PCDHA5: variants seen among roughly 807,000 people sequenced by gnomAD.
The protein encoded by PCDHA5 is protocadherin alpha 5.
A neutral mutation model predicts 61.6 loss-of-function variants in PCDHA5; 43 were observed. That is an observed-to-expected ratio of 0.70 (90% CI 0.55 to 0.90). PCDHA5 has a LOEUF of 0.90. Among genes scored for constraint, PCDHA5 ranks in the 40% least tolerant of loss-of-function variants. The pLI is 0.00. For synonymous variants in PCDHA5, 627 were observed against 543.9 expected, an observed-to-expected ratio of 1.15 and a Z score of -2.13; for missense variants, 1,298 against 1,222.7, an observed-to-expected ratio of 1.06 and a Z score of -0.92.
At chr5:140,865,843 A>G (rs539804831) in intron 1 of PCDHA5, 2 of 152,278 alleles carry the variant, frequency 1.3e-5, no homozygotes, top group South Asian at 4.1e-4. Context: ...TTAGTAAGTC[A>G]TTTCTCTGCT....
chr5:140,880,385 A>T (rs191215782), intron 1 of PCDHA5, among the ~76,000 whole-genome samples: 86 of 152,346 alleles, frequency 5.6e-4, no homozygotes, highest in African/African-American at 2.1e-3. Context: ...ATAGAAAATA[A>T]TTTTTAAGAG....
intron 1 of PCDHA5, among the ~76,000 whole-genome samples, chr5:140,840,697 A>G (rs2150308964): frequency 0.01 from 1,558 of 152,188 alleles, 49 homozygotes; most frequent in African/African-American, 0.036. Context: ...AAAACGGTTC[A>G]GGCAATTTGA....
intron 1 of PCDHA5, chr5:140,969,349 G>A (rs782345683): frequency 3.1e-5 from 50 of 1,612,958 alleles, no homozygotes; most frequent in Non-Finnish European, 4.2e-5. Context: ...AGTGGTCAGG[G>A]GGTCTTCTAC....
intron 1 of PCDHA5, among the ~76,000 whole-genome samples, chr5:140,954,350 GA>G (rs1255818394): frequency 6.6e-6 from 1 of 152,156 alleles, no homozygotes; most frequent in Non-Finnish European, 1.5e-5. Context: ...GATCTTTGAG[GA>G]ATCGCCACAC....
At chr5:140,881,277 A>G (rs1370714709) in intron 1 of PCDHA5, 5 of 731,680 alleles carry the variant, frequency 6.8e-6, no homozygotes, top group Non-Finnish European at 8.4e-6. Flanking sequence ...ATGAAGTAAG[A>G]TGGAGAGAGA....
intron 3 of PCDHA5, among the ~76,000 whole-genome samples, chr5:140,988,245 G>C (rs17286877): frequency 0.027 from 4,184 of 152,286 alleles, 88 homozygotes; most frequent in Non-Finnish European, 0.043. Flanking sequence ...GAGTGGGGCA[G>C]CTCCCGCCTG....
chr5:140,859,385 G>C (rs1252027820), intron 1 of PCDHA5: 2 of 270,486 alleles, frequency 7.4e-6, no homozygotes, highest in African/African-American at 4.6e-5. Flanking sequence ...AGCTTCTCTA[G>C]TCATCTTAAA....
At chr5:140,958,510 G>A (rs1476919397) in intron 1 of PCDHA5, among the ~76,000 whole-genome samples, 1 of 152,114 alleles carries the variant, frequency 6.6e-6, no homozygotes, top group Non-Finnish European at 1.5e-5. Flanking sequence ...AGGCATGGCT[G>A]TCCAATATAT....
intron 1 of PCDHA5, among the ~76,000 whole-genome samples, chr5:140,974,319 G>A (rs781949857): frequency 1.8e-4 from 27 of 152,198 alleles, no homozygotes; most frequent in Non-Finnish European, 3.5e-4. Flanking sequence ...TGAGAGAGTA[G>A]CTGCTGTGCT....
At chr5:140,968,560 C>T (rs782202250) in intron 1 of PCDHA5, 2 of 1,614,154 alleles carry the variant, frequency 1.2e-6, no homozygotes, top group Admixed American at 1.7e-5. Context: ...CTCGAACTGC[C>T]CCTGCTGGCT....
chr5:140,998,755 A>G (rs940678929), intron 3 of PCDHA5, among the ~76,000 whole-genome samples: 2 of 152,062 alleles, frequency 1.3e-5, no homozygotes, highest in African/African-American at 4.8e-5. Flanking sequence ...GAAGAGACAC[A>G]GTTTCACTAT....
chr5:140,840,887 T>A (rs1359040754), intron 1 of PCDHA5, among the ~76,000 whole-genome samples: 2 of 151,984 alleles, frequency 1.3e-5, no homozygotes, highest in South Asian at 4.1e-4. Context: ...ATTTCTGATA[T>A]CCATGACATA....
At chr5:140,858,494 C>A (rs1451749220) in intron 1 of PCDHA5, 1 of 1,482,778 alleles carries the variant, frequency 6.7e-7, no homozygotes. Context: ...TTTCTCTTAC[C>A]GCATTTTCTC....
chr5:140,856,572 A>C (rs782165615), intron 1 of PCDHA5: 1 of 1,597,762 alleles, frequency 6.3e-7, no homozygotes, highest in East Asian at 2.2e-5. Flanking sequence ...AGTCCAAATG[A>C]GTATTTTGTT....
Position 140,861,540 on chromosome 5 carries a change from C to T in PCDHA5, c.2352+37413C>T, listed in dbSNP as rs78647999. On this transcript the variant is annotated intron_variant, in intron 1 of 3. Coordinates refer to ENST00000529859, the MANE Select transcript of PCDHA5 (RefSeq NM_018908.3). ...TGGGAGGATCTCGGAGTGCAGCATC[C>T]ACCTGGAAGTGATCGTGGACAAGCT... is the stretch of plus-strand genomic sequence containing the variant. 502 of 425,826 alleles carry T rather than the reference C, an allele frequency of 1.2e-3. 2 individuals are homozygous for T. The highest frequency in any genetic ancestry group is 9.5e-3 in the African/African-American group (465 of 48,884). 26.4% of individuals were successfully genotyped at this position (425,826 alleles called of 1,614,324 possible).
intron 1 of PCDHA5, chr5:140,854,002 A>G: frequency 2.5e-6 from 1 of 395,852 alleles, no homozygotes; most frequent in Non-Finnish European, 3.5e-6. Flanking sequence ...ATCTCTGCCA[A>G]AAAAAAAAAA....
intron 1 of PCDHA5, chr5:140,883,169 G>C (rs1554177001): frequency 6.2e-7 from 1 of 1,613,950 alleles, no homozygotes; most frequent in Admixed American, 1.7e-5. Flanking sequence ...GAACAATGGA[G>C]AAATTAGGAC....
At chr5:140,863,336 T>A (rs782350790) in intron 1 of PCDHA5, 1 of 1,385,482 alleles carries the variant, frequency 7.2e-7, no homozygotes, top group Admixed American at 1.8e-5. Flanking sequence ...GTGCTCACGT[T>A]GCTGCTGTAC....
chr5:140,821,928 A>C lies in PCDHA5; in HGVS notation c.153A>C (p.Leu51=), dbSNP rs2150112074. 2.5e-6 allele frequency: 4 copies of C among 1,614,152 alleles called. No individual in the cohort carries two copies. The highest frequency in any genetic ancestry group is 2.5e-6 in the Non-Finnish European group (3 of 1,180,026). The change falls in exon 1 of 4, where the codon CTA becomes CTC. Residue 51 remains leucine, a synonymous_variant. Transcript: ENST00000529859. Reference sequence around the variant, plus strand: ...TCGTTGGCCGCATCGCGCAGGACCTAGGGCTGGAGCTGGCGGAGCTGGTGC... The same window carrying C: ...TCGTTGGCCGCATCGCGCAGGACCTCGGGCTGGAGCTGGCGGAGCTGGTGC... ...GTFVGRIAQD[L]GLELAELVPR...
Sources: gnomAD v4.1 joint callset for allele counts (sites outside exome capture counted in the v4.1 genomes callset) on GRCh38, gnomAD v4.1.1 for gene constraint, MANE v1.5 for transcripts, NCBI Gene and HGNC (gene_info 2026-07-23, HGNC 2026-07-21) for gene names.